The following GALNT13 variants were observed in gnomAD, a reference collection of about 807,000 sequenced individuals.
GALNT13 encodes polypeptide N-acetylgalactosaminyltransferase 13, also known as UDP-GalNAc:polypeptide N-acetylgalactosaminyltransferase 13.
In GALNT13, 28 loss-of-function variants were observed where a neutral mutation model predicts 64.2. The ratio of observed to expected loss-of-function variants is 0.44; its 90% CI spans 0.32 to 0.60. The LOEUF (loss-of-function observed/expected upper bound fraction) is 0.60, where lower values mean the gene tolerates loss of function less well. Ranked by LOEUF, GALNT13 falls within the 20% of genes least tolerant of loss-of-function variation. GALNT13 has a pLI of 0.05. For synonymous variants in GALNT13, 214 were observed against 224.6 expected (o/e 0.95, Z 0.42); for missense variants, 577 against 669.8 (o/e 0.86, Z 1.53).
At chr2:153,686,194 T>G in the GALNT13 span, among the ~76,000 whole-genome samples, 1 of 152,004 alleles carries the variant, frequency 6.6e-6, no homozygotes, top group Non-Finnish European at 1.5e-5. Context: ...ATGTCAATGG[T>G]AGTTTAATAG....
chr2:153,174,692 A>G, the GALNT13 span, among the ~76,000 whole-genome samples: 3 of 152,176 alleles, frequency 2.0e-5, no homozygotes, highest in Non-Finnish European at 4.4e-5. Context: ...TTTCTACCCA[A>G]CAAAATATAA....
At chr2:153,636,112 T>TA in the GALNT13 span, among the ~76,000 whole-genome samples, 1 of 152,100 alleles carries the variant, frequency 6.6e-6, no homozygotes, top group African/African-American at 2.4e-5. Context: ...GCCCGTTATA[T>TA]AAAAAGATTT....
chr2:154,035,387 A>G (rs1698600396), intron 3 of GALNT13, among the ~76,000 whole-genome samples: 2 of 152,164 alleles, frequency 1.3e-5, no homozygotes, highest in Admixed American at 1.3e-4. Context: ...TATCATATAG[A>G]ACTTTAAATT....
At chr2:153,237,270 C>G in the GALNT13 span, among the ~76,000 whole-genome samples, 3 of 151,996 alleles carry the variant, frequency 2.0e-5, no homozygotes, top group Admixed American at 6.6e-5. Flanking sequence ...TACAGACATA[C>G]AATGTATAAT....
the GALNT13 span, among the ~76,000 whole-genome samples, chr2:153,552,572 CTTCTTTT>C: frequency 2.1e-5 from 2 of 93,870 alleles, no homozygotes; most frequent in African/African-American, 9.5e-5. Flanking sequence ...CCTGCTTCTT[CTTCTTTT>C]TTTTTTTTTT....
At chr2:153,684,399 A>G in the GALNT13 span, among the ~76,000 whole-genome samples, 1 of 151,690 alleles carries the variant, frequency 6.6e-6, no homozygotes, top group Admixed American at 6.6e-5. Flanking sequence ...TTCCAGCTAT[A>G]TGCTACAATA....
At chr2:153,771,547 G>C in the GALNT13 span, among the ~76,000 whole-genome samples, 1 of 151,814 alleles carries the variant, frequency 6.6e-6, no homozygotes, top group Non-Finnish European at 1.5e-5. Flanking sequence ...TCCTAATCTA[G>C]GGTGGCTCAG....
chr2:153,707,940 A>G, the GALNT13 span, among the ~76,000 whole-genome samples: 1 of 152,158 alleles, frequency 6.6e-6, no homozygotes, highest in African/African-American at 2.4e-5. Context: ...TTGGTTAATT[A>G]GACTGAGAAA....
At chr2:154,132,621 C>T (rs1326427462) in intron 3 of GALNT13, among the ~76,000 whole-genome samples, 2 of 151,970 alleles carry the variant, frequency 1.3e-5, no homozygotes, top group Non-Finnish European at 2.9e-5. Context: ...CACAGTAGCT[C>T]ATGCCTGTAA....
At position 154,368,131 on chromosome 2, in the gene GALNT13, T is replaced by C. The variant is rs556575967; in HGVS notation, c.1157-27860T>C. On this transcript the variant is annotated intron_variant, in intron 9 of 12. Transcript: ENST00000392825. ...CAGTGAATTCACTTTGATTAAAAGA[T>C]AATTCAATGGATAAATTGGATAAAA... Among the ~76,000 whole-genome samples, 207 of 141,538 alleles carry C rather than the reference T, an allele frequency of 1.5e-3. 1 individual carries two copies. The highest frequency in any genetic ancestry group is 4.9e-3 in the African/African-American group (185 of 37,728). 92.9% of individuals were successfully genotyped at this position (141,538 alleles called of 152,430 possible).
chr2:153,094,925 C>A, the GALNT13 span, among the ~76,000 whole-genome samples: 1 of 152,036 alleles, frequency 6.6e-6, no homozygotes, highest in African/African-American at 2.4e-5. Flanking sequence ...GACCTAAAAC[C>A]ATAAAAACCC....
the GALNT13 span, among the ~76,000 whole-genome samples, chr2:153,277,265 C>T: frequency 1.1e-4 from 16 of 152,118 alleles, no homozygotes; most frequent in Admixed American, 6.5e-5. Flanking sequence ...GGCATGAGTA[C>T]CCAATATCCA....
the GALNT13 span, among the ~76,000 whole-genome samples, chr2:153,129,450 T>C: frequency 9.2e-5 from 14 of 152,008 alleles, no homozygotes; most frequent in Non-Finnish European, 1.8e-4. Context: ...GTCAATCAGA[T>C]TGGAGGTAAG....
chr2:154,356,675 C>T (rs1527864), intron 9 of GALNT13, among the ~76,000 whole-genome samples: 101,776 of 151,714 alleles, frequency 0.67, 34,849 homozygotes, highest in East Asian at 0.78. Context: ...CCCAAACCTC[C>T]GCCATTAATT....
chr2:154,246,909 A>C (rs13419025), intron 7 of GALNT13, among the ~76,000 whole-genome samples: 22,460 of 152,002 alleles, frequency 0.15, 1,688 homozygotes, highest in South Asian at 0.18. Context: ...TTTGTTTGTC[A>C]TTTCACTTAA....
At chr2:153,456,647 G>A in the GALNT13 span, among the ~76,000 whole-genome samples, 2 of 152,012 alleles carry the variant, frequency 1.3e-5, no homozygotes, top group Non-Finnish European at 2.9e-5. Flanking sequence ...CTGTTCTATG[G>A]GCTTTATGTA....
intron 9 of GALNT13, among the ~76,000 whole-genome samples, chr2:154,338,342 GT>G (rs944825714): frequency 4.6e-4 from 69 of 151,570 alleles, no homozygotes; most frequent in Admixed American, 1.9e-3. Flanking sequence ...GTCTTTCATT[GT>G]TTTTTTTCCC....
chr2:153,676,392 A>C, the GALNT13 span, among the ~76,000 whole-genome samples: 4 of 152,294 alleles, frequency 2.6e-5, no homozygotes, highest in Non-Finnish European at 4.4e-5. Context: ...AACCAAAAAA[A>C]GTCCAGGACC....
intron 4 of GALNT13, among the ~76,000 whole-genome samples, chr2:154,199,446 G>A (rs1687054649): frequency 6.6e-6 from 1 of 151,934 alleles, no homozygotes. Context: ...ATCAAACAGA[G>A]CACAAAATGG....
Sources: gnomAD v4.1 joint callset for allele counts (sites outside exome capture counted in the v4.1 genomes callset) on GRCh38, gnomAD v4.1.1 for gene constraint, MANE v1.5 for transcripts, NCBI Gene and HGNC (gene_info 2026-07-23, HGNC 2026-07-21) for gene names.